TINAG: variants seen among roughly 807,000 people sequenced by gnomAD.
TINAG encodes the protein tubulointerstitial nephritis antigen.
TINAG carries 83 observed loss-of-function variants against 72.7 expected under a neutral mutation model. The ratio of observed to expected loss-of-function variants is 1.14; its 90% CI spans 0.96 to 1.37. The LOEUF (loss-of-function observed/expected upper bound fraction) is 1.37. Ranked by LOEUF, TINAG falls within the 40% of genes most tolerant of loss-of-function variation. The probability of loss-of-function intolerance (pLI) is 0.00; values close to 1 mark genes in which losing one functional copy is unlikely to be tolerated. For synonymous variants in TINAG, 234 were observed against 189.9 expected, an observed-to-expected ratio of 1.23 and a Z score of -1.91; for missense variants, 685 against 576.6, an observed-to-expected ratio of 1.19 and a Z score of -1.93.
intron 1 of TINAG, among the ~76,000 whole-genome samples, chr6:54,316,962 C>G (rs1260582335): frequency 6.6e-6 from 1 of 152,138 alleles, no homozygotes; most frequent in Non-Finnish European, 1.5e-5. Context: ...GCCGTAATTT[C>G]AACAGTCATT....
At chr6:54,357,797 C>A (rs1157686172) in intron 9 of TINAG, among the ~76,000 whole-genome samples, 1 of 151,902 alleles carries the variant, frequency 6.6e-6, no homozygotes, top group Non-Finnish European at 1.5e-5. Context: ...CATTGATCTT[C>A]GCTCCTTGAC....
rs1220007671 is a variant in TINAG at position 54,388,480 on chromosome 6, A to G, written c.1297-1311A>G. ...CATGGCAATTTCTGATGCTGAGTCA[A>G]TCTGCCCCTCTCTTACATTGTAGAA... On this transcript the variant is annotated intron_variant, in intron 10 of 10. Transcript: ENST00000259782. Among the ~76,000 whole-genome samples, 4 of 152,204 alleles carry G rather than the reference A, an allele frequency of 2.6e-5. No individual in the cohort carries two copies. The South Asian group carries it at 6.2e-4, about 24-fold the overall frequency.
At chr6:54,385,910 G>A (rs1268753503) in intron 10 of TINAG, among the ~76,000 whole-genome samples, 3 of 108,640 alleles carry the variant, frequency 2.8e-5, no homozygotes, top group African/African-American at 4.4e-5. Context: ...TTTTTCAGAC[G>A]GAGTCTCACT....
intron 4 of TINAG, among the ~76,000 whole-genome samples, chr6:54,331,517 A>C (rs1381538719): frequency 1.3e-5 from 2 of 152,246 alleles, no homozygotes; most frequent in Non-Finnish European, 2.9e-5. Flanking sequence ...AATGGGCAAA[A>C]GCTGGAAGCT....
At chr6:54,348,641 G>GTT in intron 6 of TINAG, among the ~76,000 whole-genome samples, 1 of 151,988 alleles carries the variant, frequency 6.6e-6, no homozygotes, top group Middle Eastern at 3.4e-3. Flanking sequence ...GGCACTAATC[G>GTT]TATCTATTAT....
intron 9 of TINAG, chr6:54,367,233 C>A (rs1286239568): frequency 1.5e-4 from 22 of 151,706 alleles, no homozygotes; most frequent in Non-Finnish European, 2.1e-4. Context: ...GTTCAGCATC[C>A]TAGTTCTGAG....
At chr6:54,372,552 A>G (rs1197827144) in intron 9 of TINAG, among the ~76,000 whole-genome samples, 3 of 151,906 alleles carry the variant, frequency 2.0e-5, no homozygotes, top group Non-Finnish European at 4.4e-5. Flanking sequence ...GGGCTAAGCT[A>G]TAAGGTGGCT....
At chr6:54,351,328 G>A (rs751306847) in intron 7 of TINAG, 24 bp from the exon 8 acceptor site, 1 of 1,595,742 alleles carries the variant, frequency 6.3e-7, no homozygotes, top group South Asian at 1.1e-5. Context: ...CAATGATATT[G>A]CTTATTCATA....
chr6:54,326,974 T>C, intron 4 of TINAG, 58 bp downstream of exon 4: 1 of 1,606,750 alleles, frequency 6.2e-7, no homozygotes, highest in Non-Finnish European at 8.5e-7. Flanking sequence ...TGTTTGTGTG[T>C]GCATTAAAAG....
intron 3 of TINAG, among the ~76,000 whole-genome samples, chr6:54,325,625 C>A (rs1369475885): frequency 1.3e-5 from 2 of 152,110 alleles, no homozygotes; most frequent in East Asian, 1.9e-4. Context: ...TAAACTATCA[C>A]CCTGCTCACC....
At chr6:54,326,306 A>G (rs1365524652) in intron 3 of TINAG, among the ~76,000 whole-genome samples, 2 of 151,884 alleles carry the variant, frequency 1.3e-5, no homozygotes, top group East Asian at 3.9e-4. Context: ...GATTAATTAG[A>G]TTTTTAATTA....
intron 9 of TINAG, 95 bp downstream of exon 9, chr6:54,354,731 G>A (rs951654465): frequency 1.5e-6 from 2 of 1,303,680 alleles, no homozygotes; most frequent in African/African-American, 3.1e-5. Context: ...CCCCTTTGTA[G>A]GAGAGATTGT....
At chr6:54,338,419 T>C (rs1426056217) in intron 4 of TINAG, among the ~76,000 whole-genome samples, 1 of 152,058 alleles carries the variant, frequency 6.6e-6, no homozygotes, top group East Asian at 1.9e-4. Context: ...ACCTAAAGTA[T>C]GTTCCATAAA....
intron 1 of TINAG, among the ~76,000 whole-genome samples, chr6:54,313,290 A>T (rs1399383284): frequency 6.6e-6 from 1 of 152,164 alleles, no homozygotes; most frequent in Non-Finnish European, 1.5e-5. Context: ...TGTGCCCAGG[A>T]TTAGTTAGGG....
chr6:54,325,629 G>T (rs1441795083), intron 3 of TINAG, among the ~76,000 whole-genome samples: 1 of 151,986 alleles, frequency 6.6e-6, no homozygotes, highest in African/African-American at 2.4e-5. Flanking sequence ...CTATCACCCT[G>T]CTCACCAAAT....
At chr6:54,351,105 G>T (rs1269136838) in intron 7 of TINAG, among the ~76,000 whole-genome samples, 1 of 151,908 alleles carries the variant, frequency 6.6e-6, no homozygotes, top group African/African-American at 2.4e-5. Context: ...AACTTACATT[G>T]TTTCTTTATA....
At chr6:54,320,457 T>G in intron 1 of TINAG, 122 bp from the exon 2 acceptor site, 1 of 709,348 alleles carries the variant, frequency 1.4e-6, no homozygotes, top group East Asian at 2.7e-5. Flanking sequence ...TCTATCAGCT[T>G]TTTTGGCACC....
chr6:54,322,639 T>A (rs1317668684), intron 3 of TINAG, among the ~76,000 whole-genome samples: 1 of 152,214 alleles, frequency 6.6e-6, no homozygotes, highest in African/African-American at 2.4e-5. Context: ...TAAATTTCAA[T>A]GTATTCAAAG....
In TINAG at chr6:54,354,550, G is replaced by C; in HGVS notation, c.1164G>C (p.Lys388Asn). The C allele has an allele frequency of 1.9e-6, 3 of 1,608,028 alleles. No homozygotes were observed. Among genetic ancestry groups the C allele is most frequent in the Non-Finnish European group, 2.5e-6 (3 of 1,176,884 alleles). The change falls in exon 9 of 11, where the codon AAG becomes AAC. Residue 388 changes from lysine to asparagine, a missense_variant. Coordinates refer to ENST00000259782, the MANE Select transcript of TINAG (RefSeq NM_014464.4). ...TCCGTGAAGATTTCTTCCATTATAA[G>C]ACAGGGATATACAGACATGTTACCA... ...MQVREDFFHY[K>N]TGIYRHVTST... is the part of the protein sequence containing the mutation.
Sources: gnomAD v4.1 joint callset for allele counts (sites outside exome capture counted in the v4.1 genomes callset) on GRCh38, gnomAD v4.1.1 for gene constraint, MANE v1.5 for transcripts, NCBI Gene and HGNC (gene_info 2026-07-23, HGNC 2026-07-21) for gene names.